Variants in CEP128 observed in about 807,000 individuals in gnomAD.
The protein encoded by CEP128 is centrosomal protein 128.
Under a neutral mutation model 156.7 loss-of-function variants are expected in CEP128, and 132 were observed. The observed-to-expected ratio is 0.84, with a 90% CI of 0.73 to 0.97. The LOEUF is 0.97. Among genes scored for constraint, CEP128 ranks in the 50% least tolerant of loss-of-function variants. The pLI, the probability that CEP128 is intolerant of heterozygous loss-of-function variation, is 0.00. For missense variants in CEP128, 1,252 were observed against 1,281.9 expected (o/e 0.98, Z 0.36); for synonymous variants, 469 against 448.9 (o/e 1.04, Z -0.57).
intron 19 of CEP128, among the ~76,000 whole-genome samples, chr14:80,730,490 A>G (rs565349904): frequency 1.3e-5 from 2 of 152,320 alleles, no homozygotes; most frequent in South Asian, 2.1e-4. Flanking sequence ...AGCTGGAGAC[A>G]TGACTGTTTT....
intron 14 of CEP128, among the ~76,000 whole-genome samples, chr14:80,787,433 C>G (rs1901468305): frequency 6.6e-6 from 1 of 152,064 alleles, no homozygotes; most frequent in Non-Finnish European, 1.5e-5. Flanking sequence ...CTCCAACTCT[C>G]TCTGACGTCC....
At chr14:80,649,224 A>G (rs978772298) in intron 19 of CEP128, among the ~76,000 whole-genome samples, 1 of 151,864 alleles carries the variant, frequency 6.6e-6, no homozygotes, top group African/African-American at 2.4e-5. Context: ...TTCAAATTGG[A>G]CCCTCCAATT....
chr14:80,910,068 T>A (rs1320176890), intron 4 of CEP128, among the ~76,000 whole-genome samples: 2 of 152,208 alleles, frequency 1.3e-5, no homozygotes, highest in African/African-American at 4.8e-5. Flanking sequence ...CAAATGATGA[T>A]CCTATTTTCC....
At chr14:80,942,802 C>G (rs1447951869), upstream of CEP128, among the ~76,000 whole-genome samples, 2 of 152,006 alleles carry the variant, frequency 1.3e-5, no homozygotes, top group Admixed American at 1.3e-4. Flanking sequence ...CTCTCTCTCC[C>G]CCTTTCTCTC....
At chr14:80,809,710 A>G (rs1884395266) in intron 13 of CEP128, among the ~76,000 whole-genome samples, 1 of 152,136 alleles carries the variant, frequency 6.6e-6, no homozygotes. Context: ...ATGGGAAGAT[A>G]TATTTGAGGT....
At chr14:80,803,239 C>T (rs963369779) in intron 13 of CEP128, among the ~76,000 whole-genome samples, 3 of 152,032 alleles carry the variant, frequency 2.0e-5, no homozygotes, top group African/African-American at 7.2e-5. Context: ...TCAAATCTTG[C>T]CTCTCTTCCA....
chr14:80,923,255 A>C (rs1884973307), intron 2 of CEP128, among the ~76,000 whole-genome samples: 1 of 152,238 alleles, frequency 6.6e-6, no homozygotes, highest in Non-Finnish European at 1.5e-5. Context: ...ACTCCCACTG[A>C]GGATCTATCC....
chr14:80,731,299 A>G (rs1461077338), intron 19 of CEP128, among the ~76,000 whole-genome samples: 2 of 152,232 alleles, frequency 1.3e-5, no homozygotes, highest in Non-Finnish European at 2.9e-5. Flanking sequence ...CTGCCTGTCA[A>G]TCCTGGAGAA....
intron 24 of CEP128, among the ~76,000 whole-genome samples, chr14:80,502,245 C>T (rs1251608816): frequency 6.6e-6 from 1 of 152,094 alleles, no homozygotes; most frequent in East Asian, 1.9e-4. Flanking sequence ...AATTTTGGGG[C>T]TTGCTTGTCC....
At chr14:80,656,291 TTATATATATATATATA>T (rs1159139132) in intron 19 of CEP128, among the ~76,000 whole-genome samples, 18 of 25,704 alleles carry the variant, frequency 7.0e-4, no homozygotes, top group East Asian at 1.5e-3. Context: ...ATATATATAT[TTATATATATATATATA>T]TATATATATA....
chr14:80,637,081 C>T (rs949675185), intron 19 of CEP128, among the ~76,000 whole-genome samples: 5 of 141,770 alleles, frequency 3.5e-5, no homozygotes, highest in South Asian at 2.2e-4. Flanking sequence ...AGCGAAACTC[C>T]GTCTTTAAAA....
intron 19 of CEP128, among the ~76,000 whole-genome samples, chr14:80,661,287 A>G (rs895187162): frequency 2.0e-5 from 3 of 152,108 alleles, no homozygotes; most frequent in African/African-American, 7.2e-5. Flanking sequence ...GAATGTTTAA[A>G]ACTAAAAAAA....
At position 80,579,582 on chromosome 14, in the gene CEP128, C is replaced by G. The variant is rs142118345; in HGVS notation, c.2856+792G>C. ...TTTGCCAAAAGCAAACATCTTTACC[C>G]GTAAAGCACTCAAACCAGCTCATGA... is the stretch of plus-strand genomic sequence containing the variant. On this transcript the variant is annotated intron_variant, in intron 20 of 24. Coordinates refer to ENST00000555265, the MANE Select transcript of CEP128 (RefSeq NM_152446.5). Among the ~76,000 whole-genome samples, 5 of 152,212 alleles carry G rather than the reference C, an allele frequency of 3.3e-5. No individual in the cohort carries two copies. The East Asian group carries it at 7.7e-4, about 24-fold the overall frequency.
chr14:80,563,273 G>A lies in CEP128; in HGVS notation c.2857-3971C>T, dbSNP rs1220410002. Among the ~76,000 whole-genome samples the A allele has an allele frequency of 2.6e-5, 4 of 151,990 alleles. No individual in the cohort carries two copies. In the East Asian group the frequency reaches 5.8e-4, roughly 22 times the overall value. On this transcript the variant is annotated intron_variant, in intron 20 of 24. Transcript: ENST00000555265. ...GTAAGCATTGCTAGAACAATGAAAG[G>A]GCATTAGGAGGTAGGAGAAGTAGAC... is the stretch of plus-strand genomic sequence containing the variant.
At chr14:80,572,915 G>A (rs1435444064) in intron 20 of CEP128, among the ~76,000 whole-genome samples, 1 of 152,036 alleles carries the variant, frequency 6.6e-6, no homozygotes, top group Non-Finnish European at 1.5e-5. Flanking sequence ...AACACACCCA[G>A]GTCACTGTTT....
At chr14:80,482,663 T>C (rs1887079750) in intron 14 of CEP128, among the ~76,000 whole-genome samples, 1 of 152,180 alleles carries the variant, frequency 6.6e-6, no homozygotes, top group African/African-American at 2.4e-5. Flanking sequence ...TCACCAGACA[T>C]ATCAGCTGAA....
At chr14:80,748,632 T>C (rs1349518080) in intron 18 of CEP128, among the ~76,000 whole-genome samples, 1 of 152,164 alleles carries the variant, frequency 6.6e-6, no homozygotes, top group Non-Finnish European at 1.5e-5. Context: ...GAATCAGTAA[T>C]GGTCAAGACG....
intron 16 of CEP128, among the ~76,000 whole-genome samples, chr14:80,773,063 T>C (rs1047333260): frequency 3.9e-5 from 6 of 152,088 alleles, no homozygotes; most frequent in Admixed American, 2.0e-4. Context: ...AAAATGAGGG[T>C]GGCAGGTATC....
chr14:80,675,690 C>CT (rs976338967), intron 19 of CEP128, among the ~76,000 whole-genome samples: 1 of 151,910 alleles, frequency 6.6e-6, no homozygotes, highest in Admixed American at 6.5e-5. Context: ...GGTCTCTTTG[C>CT]TTTTTTGTTT....
Sources: gnomAD v4.1 joint callset for allele counts (sites outside exome capture counted in the v4.1 genomes callset) on GRCh38, gnomAD v4.1.1 for gene constraint, MANE v1.5 for transcripts, NCBI Gene and HGNC (gene_info 2026-07-23, HGNC 2026-07-21) for gene names.